The following EPM2A variants were observed in gnomAD, a reference collection of about 807,000 sequenced individuals.
EPM2A encodes the protein laforin.
In EPM2A, 21 loss-of-function variants were observed where a neutral mutation model predicts 26.5. That is an observed-to-expected ratio of 0.79 (90% CI 0.56 to 1.14). The LOEUF (loss-of-function observed/expected upper bound fraction) is 1.14. EPM2A is among the 50% of genes most tolerant of loss of function. The pLI is 0.00. For missense variants in EPM2A, 458 were observed against 440.8 expected (o/e 1.04, Z -0.35); for synonymous variants, 217 against 177.6 (o/e 1.22, Z -1.76).
chr6:145,597,388 T>C (rs989499881), intron 2 of EPM2A, among the ~76,000 whole-genome samples: 1 of 152,208 alleles, frequency 6.6e-6, no homozygotes, highest in African/African-American at 2.4e-5. Context: ...CAATAGAAGA[T>C]TGCTTCATTG....
At chr6:145,598,705 G>GCCTA (rs1418528312) in intron 2 of EPM2A, among the ~76,000 whole-genome samples, 2 of 152,070 alleles carry the variant, frequency 1.3e-5, no homozygotes, top group Non-Finnish European at 2.9e-5. Flanking sequence ...GGATGGTATT[G>GCCTA]CCTAGGTTGT....
At chr6:145,497,134 C>T (rs531716984), downstream of EPM2A, among the ~76,000 whole-genome samples, 1 of 152,276 alleles carries the variant, frequency 6.6e-6, no homozygotes, top group Admixed American at 6.5e-5. Flanking sequence ...AAGGAAAGAG[C>T]ACTCTGGCTT....
chr6:145,484,217 G>C (rs1779646062), intron 4 of EPM2A, among the ~76,000 whole-genome samples: 1 of 152,030 alleles, frequency 6.6e-6, no homozygotes, highest in Non-Finnish European at 1.5e-5. Flanking sequence ...TAGGTAGCAA[G>C]TTTTCAGTCC....
At chr6:145,671,393 C>T in intron 2 of EPM2A, 6 of 992,042 alleles carry the variant, frequency 6.0e-6, no homozygotes, top group Non-Finnish European at 7.2e-6. Context: ...GCCTTTGGTC[C>T]CTGGATCTGA....
chr6:145,707,743 T>A (rs1158188922), intron 1 of EPM2A, among the ~76,000 whole-genome samples: 1 of 152,204 alleles, frequency 6.6e-6, no homozygotes, highest in Non-Finnish European at 1.5e-5. Context: ...TATAAATTAC[T>A]GAGTCTCAGG....
intron 4 of EPM2A, among the ~76,000 whole-genome samples, chr6:145,470,606 A>G (rs1367862479): frequency 6.6e-6 from 1 of 152,162 alleles, no homozygotes; most frequent in Admixed American, 6.6e-5. Context: ...AAGTAATTAT[A>G]CATGTTTTCT....
chr6:145,483,804 A>G (rs945875507), intron 4 of EPM2A, among the ~76,000 whole-genome samples: 1 of 152,150 alleles, frequency 6.6e-6, no homozygotes, highest in Non-Finnish European at 1.5e-5. Flanking sequence ...AGCTAACACC[A>G]TGATCAAGCC....
At chr6:145,653,952 C>A (rs948933469) in intron 2 of EPM2A, among the ~76,000 whole-genome samples, 2 of 152,182 alleles carry the variant, frequency 1.3e-5, no homozygotes, top group African/African-American at 4.8e-5. Context: ...ATATTACATG[C>A]GGCCTCCTAG....
At chr6:145,554,728 G>A (rs1249420685) in intron 2 of EPM2A, among the ~76,000 whole-genome samples, 2 of 151,986 alleles carry the variant, frequency 1.3e-5, no homozygotes. Context: ...CTCATCATGC[G>A]GGCCTATCTG....
At chr6:145,425,372 G>A (rs1299567068) in intron 4 of EPM2A, among the ~76,000 whole-genome samples, 1 of 151,826 alleles carries the variant, frequency 6.6e-6, no homozygotes, top group African/African-American at 2.4e-5. Context: ...ACAGGGTTTC[G>A]CCATGTTGGC....
intron 2 of EPM2A, among the ~76,000 whole-genome samples, chr6:145,580,188 C>T (rs1010731687): frequency 1.1e-4 from 16 of 152,214 alleles, no homozygotes; most frequent in Admixed American, 9.2e-4. Flanking sequence ...TGACCTTCTG[C>T]CTGAAGGACT....
chr6:145,407,167 C>T (rs1369562926), intron 4 of EPM2A, among the ~76,000 whole-genome samples: 1 of 152,124 alleles, frequency 6.6e-6, no homozygotes, highest in Admixed American at 6.6e-5. Context: ...GTGATTGGTA[C>T]AGATGATAAG....
chr6:145,399,768 A>G (rs1170151516), intron 4 of EPM2A, among the ~76,000 whole-genome samples: 1 of 152,166 alleles, frequency 6.6e-6, no homozygotes, highest in African/African-American at 2.4e-5. Context: ...TGAGGTAGAA[A>G]CTCATATAGA....
intron 1 of EPM2A, among the ~76,000 whole-genome samples, chr6:145,688,141 T>C (rs1023620136): frequency 1.3e-5 from 2 of 152,134 alleles, no homozygotes; most frequent in Non-Finnish European, 2.9e-5. Context: ...AACTAAAAAT[T>C]TGAAATATTC....
At chr6:145,538,209 A>G (rs763463756) in intron 2 of EPM2A, among the ~76,000 whole-genome samples, 6 of 151,720 alleles carry the variant, frequency 4.0e-5, no homozygotes, top group Non-Finnish European at 8.8e-5. Flanking sequence ...GAACTAATTT[A>G]TGCTCCCACC....
chr6:145,566,877 G>A (rs961492072), intron 2 of EPM2A, among the ~76,000 whole-genome samples: 1 of 152,198 alleles, frequency 6.6e-6, no homozygotes, highest in Non-Finnish European at 1.5e-5. Context: ...AAAGAAAATT[G>A]CCTGATGCCT....
At chr6:145,439,259 GC>G (rs2114699043) in intron 4 of EPM2A, among the ~76,000 whole-genome samples, 1 of 152,230 alleles carries the variant, frequency 6.6e-6, no homozygotes, top group African/African-American at 2.4e-5. Flanking sequence ...TTTGAATAAT[GC>G]TGCAATAACA....
chr6:145,541,831 T>C (rs1054041977), intron 2 of EPM2A, among the ~76,000 whole-genome samples: 4 of 152,128 alleles, frequency 2.6e-5, no homozygotes, highest in African/African-American at 7.2e-5. Context: ...GACATAGAAC[T>C]CTGATTGATT....
chr6:145,480,404 C>A (rs565570866), intron 4 of EPM2A, among the ~76,000 whole-genome samples: 1 of 152,136 alleles, frequency 6.6e-6, no homozygotes, highest in South Asian at 2.1e-4. Context: ...CCCACCAGGG[C>A]CCCCTTCCAA....
Sources: gnomAD v4.1 joint callset for allele counts (sites outside exome capture counted in the v4.1 genomes callset) on GRCh38, gnomAD v4.1.1 for gene constraint, MANE v1.5 for transcripts, NCBI Gene and HGNC (gene_info 2026-07-23, HGNC 2026-07-21) for gene names.